The following ZXDA variants were observed in gnomAD, a reference collection of about 807,000 sequenced individuals.
ZXDA encodes the protein zinc finger X-linked protein ZXDA.
In ZXDA, 5 loss-of-function variants were observed where a neutral mutation model predicts 10.1. The observed-to-expected ratio is 0.50, with a 90% confidence interval of 0.26 to 1.04. The LOEUF (loss-of-function observed/expected upper bound fraction) is 1.04, where lower values mean the gene tolerates loss of function less well. Among genes scored for constraint, ZXDA ranks in the 50% least tolerant of loss-of-function variants. The pLI, the probability that ZXDA is intolerant of heterozygous loss-of-function variation, is 0.14. For synonymous variants in ZXDA, 266 were observed against 313.1 expected (o/e 0.85, Z 1.59); for missense variants, 501 against 672.4 (o/e 0.75, Z 2.82).
Position 57,906,657 on chromosome X carries a change from T to TACACACAC in ZXDA, c.*1356_*1363dup, listed in dbSNP as rs199969464. 9 of 98,849 alleles carry TACACACAC rather than the reference T, an allele frequency of 9.1e-5. No homozygotes were observed. The highest frequency in any genetic ancestry group is 9.8e-4 in the South Asian group (2 of 2,042). 8.1% of individuals were successfully genotyped at this position (98,849 alleles called of 1,213,427 possible). On this transcript the variant is annotated 3_prime_UTR_variant, in exon 1 of 1. Coordinates refer to ENST00000358697, the MANE Select transcript of ZXDA (RefSeq NM_007156.5). The stretch of plus-strand genomic sequence containing the variant: ...GAAATATTTCCTCTTTGTTTTGAGC[T>TACACACAC]ACACACACACACACACACACACACA...
At position 57,909,279 on chromosome X, in the gene ZXDA, C is replaced by A. The variant is rs370655010; in HGVS notation, c.1142G>T (p.Ser381Ile). ...GTAAGGCCTCTCGGGTTCGAAGTGGCTGCGCTGGTGGGCGCCGAGTTTGGC... is the reference window on the plus strand; with the variant it reads ...GTAAGGCCTCTCGGGTTCGAAGTGGATGCGCTGGTGGGCGCCGAGTTTGGC... ...TQAKLGAHQR[S>I]HFEPERPYQC... is the part of the protein sequence containing the mutation. The change falls in exon 1 of 1, where the codon AGC (serine) becomes ATC (isoleucine). Residue 381 changes from serine to isoleucine, a missense_variant. Coordinates refer to ENST00000358697, the MANE Select transcript of ZXDA (RefSeq NM_007156.5). 2.6e-5 allele frequency: 32 copies of A among 1,210,657 alleles called. No homozygotes were observed. In the East Asian group the frequency reaches 6.2e-4, roughly 24 times the overall value.
rs780382138 is a variant in ZXDA, at chrX:57,910,235, G to T, written c.186C>A (p.Ala62=). ...DGGPGRRREE[A]STASRGPGPS... ...GGCCAGGGCCCCGTGATGCCGTGCT[G>T]GCCTCCTCGCGCCGCCGCCCGGGCC... Residue 62 remains alanine (A), a synonymous_variant, in exon 1 of 1, where the codon GCC becomes GCA. Transcript: ENST00000358697. The T allele has an allele frequency of 6.1e-6, 7 of 1,153,781 alleles. No homozygotes were observed. Among genetic ancestry groups the T allele is most frequent in the Non-Finnish European group, 8.0e-6 (7 of 872,641 alleles).
chrX:57,909,721 C>T lies in ZXDA; in HGVS notation c.700G>A (p.Glu234Lys). The T allele has an allele frequency of 7.6e-6, 9 of 1,184,573 alleles. No homozygotes were observed. The highest frequency in any genetic ancestry group is 1.0e-5 in the Non-Finnish European group (9 of 882,748). Residue 234 changes from glutamate (E) to lysine (K), a missense_variant, in exon 1 of 1, where the codon GAA becomes AAA. Glu to Lys is a moderately conservative substitution (Grantham distance 56). Coordinates refer to ENST00000358697, the MANE Select transcript of ZXDA (RefSeq NM_007156.5). ...TGGGGCGCCGGAGCAGGCGCGGGTT[C>T]TGCGGGCTCGGCTAGCAGGAGGTCG... ...RSDLLLAEPA[E>K]PAPAPAPQEE...
chrX:57,906,201 T>C lies in ZXDA; in HGVS notation c.*1820A>G, dbSNP rs58743676. 0.094 allele frequency among the ~76,000 whole-genome samples: 10,540 copies of C among 111,963 alleles called. 1,213 individuals carry two copies. The highest frequency in any genetic ancestry group is 0.33 in the African/African-American group (9,991 of 30,579). Reference sequence around the variant, plus strand: ...TAATTGTTATCCCCAAGTATCCACATGTAAACAATACTGGGTTACAATAGT... The same window carrying C: ...TAATTGTTATCCCCAAGTATCCACACGTAAACAATACTGGGTTACAATAGT... On this transcript the variant is annotated 3_prime_UTR_variant, in exon 1 of 1. Coordinates refer to ENST00000358697, the MANE Select transcript of ZXDA (RefSeq NM_007156.5).
At position 57,908,630 on chromosome X, in the gene ZXDA, A is replaced by C; in HGVS notation, c.1791T>G (p.Asp597Glu). 1 of 1,209,332 alleles carries C rather than the reference A, an allele frequency of 8.3e-7. No individual in the cohort carries two copies. Among genetic ancestry groups the C allele is most frequent in the Non-Finnish European group, 1.1e-6 (1 of 894,865 alleles). ...GAGACACTATCTCTGCATCACTGAG[A>C]TCATTCTGTCTCTGGCTGGTAAGTT... ...SSELTSQRQN[D>E]LSDAEIVSLF... is the part of the protein sequence containing the mutation. The change falls in exon 1 of 1, where the codon GAT becomes GAG. Residue 597 changes from aspartate to glutamate, a missense_variant. Around this residue, in one of 5 missense-constraint regions of ZXDA, gnomAD observed 171 missense variants for 262.7 expected, o/e 0.65. Coordinates refer to ENST00000358697, the MANE Select transcript of ZXDA (RefSeq NM_007156.5).
Position 57,907,985 on chromosome X carries a change from AAGTT to A in ZXDA, c.*32_*35del, listed in dbSNP as rs1295710382. 4.3e-6 allele frequency: 5 copies of A among 1,172,056 alleles called. No individual in the cohort carries two copies. The African/African-American group carries it at 5.4e-5, about 13-fold the overall frequency. Reference sequence around the variant, plus strand: ...ATATCCTCAAAATTGACTGTAATAAAAGTTAGCCACATGGCAAGGAATGAATAGA... The same window carrying A: ...ATATCCTCAAAATTGACTGTAATAAAAGCCACATGGCAAGGAATGAATAGA... On this transcript the variant is annotated 3_prime_UTR_variant, in exon 1 of 1. Coordinates refer to ENST00000358697, the MANE Select transcript of ZXDA (RefSeq NM_007156.5).
At position 57,906,258 on chromosome X, in the gene ZXDA, C is replaced by G. The variant is rs1330730210; in HGVS notation, c.*1763G>C. On this transcript the variant is annotated 3_prime_UTR_variant, in exon 1 of 1. Transcript: ENST00000358697. ...CAACTAATAGTGTTTGCTACCAGGACCACACTGTAAAAAAGGAAAAGTAGA... is the reference window on the plus strand; with the variant it reads ...CAACTAATAGTGTTTGCTACCAGGAGCACACTGTAAAAAAGGAAAAGTAGA... Among the ~76,000 whole-genome samples the G allele has an allele frequency of 1.8e-5, 2 of 112,039 alleles. No individual in the cohort carries two copies. The highest frequency in any genetic ancestry group is 1.9e-4 in the Admixed American group (2 of 10,567).
rs1368852600 is a variant in ZXDA, at chrX:57,910,106, G to A, written c.315C>T (p.Ser105=). Residue 105 remains serine (S), a synonymous_variant, in exon 1 of 1, where the codon TCC becomes TCT. Coordinates refer to ENST00000358697, the MANE Select transcript of ZXDA (RefSeq NM_007156.5). ...TCAACACAGGCCCTGCGGCCTGACC[G>A]GAGCCCGCGGTCTCCACGTCGCCAC... ...PVGGDVETAG[S]GQAAGPVLRE... is the part of the protein sequence containing the mutation. 1 of 1,198,528 alleles carries A rather than the reference G, an allele frequency of 8.3e-7. No homozygotes were observed. Among genetic ancestry groups the A allele is most frequent in the Non-Finnish European group, 1.1e-6 (1 of 892,813 alleles).
rs1249075690 is a variant in ZXDA, at chrX:57,906,076, C to T, written c.*1945G>A. Among the ~76,000 whole-genome samples, 2 of 111,553 alleles carry T rather than the reference C, an allele frequency of 1.8e-5. No homozygotes were observed. Among genetic ancestry groups the T allele is most frequent in the African/African-American group, 3.3e-5 (1 of 30,701 alleles). On this transcript the variant is annotated 3_prime_UTR_variant, in exon 1 of 1. Coordinates refer to ENST00000358697, the MANE Select transcript of ZXDA (RefSeq NM_007156.5). ...ATTACAAATTTATGTGTATTTTTTGCTTTTTCATTGAATAAGTACAACCAA... is the reference window on the plus strand; with the variant it reads ...ATTACAAATTTATGTGTATTTTTTGTTTTTTCATTGAATAAGTACAACCAA...
Position 57,909,339 on chromosome X carries a change from T to C in ZXDA, c.1082A>G (p.Lys361Arg), listed in dbSNP as rs750398849. The stretch of plus-strand genomic sequence containing the variant: ...GAAGCTCTCCTCGCACACCTCACAT[T>C]TGAACGAGTTCTCCTGCTCATGGCC... The part of the protein sequence containing the change: ...MKGHEQENSF[K>R]CEVCEESFPT... The change falls in exon 1 of 1, where the codon AAA (lysine) becomes AGA (arginine). Residue 361 changes from lysine (K) to arginine (R), a missense_variant. Lys to Arg is a conservative substitution (Grantham distance 26). Around this residue, in one of 5 missense-constraint regions of ZXDA, gnomAD observed 171 missense variants for 262.7 expected, o/e 0.65. Transcript: ENST00000358697. The C allele has an allele frequency of 9.1e-6, 11 of 1,211,899 alleles. No homozygotes were observed. In the South Asian group the frequency reaches 1.8e-4, roughly 19 times the overall value.
In ZXDA at chrX:57,905,607, C is replaced by T. The variant is rs994109526; in HGVS notation, c.*2414G>A. Among the ~76,000 whole-genome samples the T allele has an allele frequency of 8.9e-6, 1 of 111,925 alleles. No individual in the cohort carries two copies. The highest frequency in any genetic ancestry group is 3.2e-5 in the African/African-American group (1 of 30,783). ...AATATGTTTACAGTCACACTTCTGTCTGTAATTACATGCCATGTCAACTAT... is the reference window on the plus strand; with the variant it reads ...AATATGTTTACAGTCACACTTCTGTTTGTAATTACATGCCATGTCAACTAT... On this transcript the variant is annotated 3_prime_UTR_variant, in exon 1 of 1. Coordinates refer to ENST00000358697, the MANE Select transcript of ZXDA (RefSeq NM_007156.5).
At position 57,906,608 on chromosome X, in the gene ZXDA, C is replaced by T. The variant is rs1000187148; in HGVS notation, c.*1413G>A. 1 of 109,905 alleles carries T rather than the reference C, an allele frequency of 9.1e-6. No individual in the cohort carries two copies. Among genetic ancestry groups the T allele is most frequent in the Non-Finnish European group, 1.9e-5 (1 of 52,740 alleles). 9.1% of individuals were successfully genotyped at this position (109,905 alleles called of 1,213,427 possible). The stretch of plus-strand genomic sequence containing the variant: ...AGTTATAAACAAAATAGTCATGAAA[C>T]TCAAGAGTCGAATGGGAGAGTGGGA... On this transcript the variant is annotated 3_prime_UTR_variant, in exon 1 of 1. Coordinates refer to ENST00000358697, the MANE Select transcript of ZXDA (RefSeq NM_007156.5).
rs376557838 is a variant in ZXDA at position 57,905,759 on chromosome X, A to G, written c.*2262T>C. ...AAAAAATTTGTCCTTTGAAAATTCT[A>G]TAGACCATAACAAAAGCATAGCTTA... On this transcript the variant is annotated 3_prime_UTR_variant, in exon 1 of 1. Coordinates refer to ENST00000358697, the MANE Select transcript of ZXDA (RefSeq NM_007156.5). Among the ~76,000 whole-genome samples, 4 of 111,875 alleles carry G rather than the reference A, an allele frequency of 3.6e-5. No individual in the cohort carries two copies. The highest frequency in any genetic ancestry group is 1.3e-4 in the African/African-American group (4 of 30,841).
In ZXDA at chrX:57,908,721, C is replaced by T; in HGVS notation, c.1700G>A (p.Arg567Lys). ...KHSMKTHMVK[R>K]HKVGQDLLAQ... ...TAAGAGATCCTGGCCCACCTTATGC[C>T]TTTTAACCATGTGCGTCTTCATGCT... Residue 567 changes from arginine to lysine, a missense_variant, in exon 1 of 1, where the codon AGG becomes AAG. Coordinates refer to ENST00000358697, the MANE Select transcript of ZXDA (RefSeq NM_007156.5). The T allele has an allele frequency of 8.3e-7, 1 of 1,209,661 alleles. No homozygotes were observed. The highest frequency in any genetic ancestry group is 1.1e-6 in the Non-Finnish European group (1 of 894,727).
rs1210873811 is a variant in ZXDA, at chrX:57,906,832, T to C, written c.*1189A>G. ...AGTGCTAAATTGTAAAATGCTATAC[T>C]CACATAAGATAGATGGTATCTACTC... On this transcript the variant is annotated 3_prime_UTR_variant, in exon 1 of 1. Coordinates refer to ENST00000358697, the MANE Select transcript of ZXDA (RefSeq NM_007156.5). 8.9e-6 allele frequency: 1 copy of C among 111,737 alleles called. No homozygotes were observed. Among genetic ancestry groups the C allele is most frequent in the Non-Finnish European group, 1.9e-5 (1 of 53,093 alleles). 9.2% of individuals were successfully genotyped at this position (111,737 alleles called of 1,213,427 possible). A position where few individuals can be genotyped will look rare whatever the true frequency, so the allele number is the denominator to read the frequency against.
rs919317998 is a variant in ZXDA at position 57,909,949 on chromosome X, C to A, written c.472G>T (p.Ala158Ser). The change falls in exon 1 of 1, where the codon GCC becomes TCC. Residue 158 changes from alanine (A) to serine (S), a missense_variant. By Grantham distance (99) the Ala-to-Ser change is moderately conservative. Transcript: ENST00000358697. The stretch of plus-strand genomic sequence containing the variant: ...GTGACTGTGCCCGCGAAGGCCGCGG[C>A]GGGGCCGGGGGCGGAGATCGGGGCC... ...TPAPISAPGPAAAFAGTVTIH... is the reference protein window; with the variant it reads ...TPAPISAPGPSAAFAGTVTIH... 5.1e-6 allele frequency: 6 copies of A among 1,165,682 alleles called. No homozygotes were observed. In the African/African-American group the frequency reaches 8.9e-5, roughly 17 times the overall value.
rs1197394209 is a variant in ZXDA, at chrX:57,905,669, GA to G, written c.*2351del. 9.1e-6 allele frequency among the ~76,000 whole-genome samples: 1 copy of G among 110,374 alleles called. No individual in the cohort carries two copies. Among genetic ancestry groups the G allele is most frequent in the Non-Finnish European group, 1.9e-5 (1 of 52,802 alleles). ...AACAGTATTGAAAAAGAAATCTTTT[GA>G]AAAAATTGAACAAAAGAAACCATGT... On this transcript the variant is annotated 3_prime_UTR_variant, in exon 1 of 1. Coordinates refer to ENST00000358697, the MANE Select transcript of ZXDA (RefSeq NM_007156.5).
rs764699515 is a variant in ZXDA at position 57,905,872 on chromosome X, A to T, written c.*2149T>A. Among the ~76,000 whole-genome samples the T allele has an allele frequency of 1.8e-4, 20 of 111,974 alleles. No homozygotes were observed. Among genetic ancestry groups the T allele is most frequent in the African/African-American group, 6.2e-4 (19 of 30,875 alleles). On this transcript the variant is annotated 3_prime_UTR_variant, in exon 1 of 1. Coordinates refer to ENST00000358697, the MANE Select transcript of ZXDA (RefSeq NM_007156.5). Reference sequence around the variant, plus strand: ...AGATATCTATATAGTTATGTATCTTAATGGATGCCTATGACCCTTGCGTTC... The same window carrying T: ...AGATATCTATATAGTTATGTATCTTTATGGATGCCTATGACCCTTGCGTTC...
chrX:57,910,327 G>C lies in ZXDA; in HGVS notation c.94C>G (p.Pro32Ala). ...PAGGGRVHRGPDSPAGQVPTR... is the reference protein window; with the variant it reads ...PAGGGRVHRGADSPAGQVPTR... Reference sequence around the variant, plus strand: ...GGGACCTGGCCAGCCGGCGAGTCAGGGCCTCGGTGGACTCGGCCGCCACCC... The same window carrying C: ...GGGACCTGGCCAGCCGGCGAGTCAGCGCCTCGGTGGACTCGGCCGCCACCC... Residue 32 changes from proline (P) to alanine (A), a missense_variant, in exon 1 of 1, where the codon CCT (proline) becomes GCT (alanine). This residue lies in a region of ZXDA where 15 missense variants were observed against 41.3 expected (regional missense o/e 0.36). Coordinates refer to ENST00000358697, the MANE Select transcript of ZXDA (RefSeq NM_007156.5). 9.6e-7 allele frequency: 1 copy of C among 1,036,392 alleles called. No homozygotes were observed. The highest frequency in any genetic ancestry group is 1.2e-6 in the Non-Finnish European group (1 of 815,394). 85.4% of individuals were successfully genotyped at this position (1,036,392 alleles called of 1,213,427 possible). A position where few individuals can be genotyped will look rare whatever the true frequency, so the allele number is the denominator to read the frequency against.
Sources: gnomAD v4.1 joint callset for allele counts (sites outside exome capture counted in the v4.1 genomes callset) on GRCh38, gnomAD v4.1.1 for gene constraint, gnomAD v4.1.1 regional missense constraint, MANE v1.5 for transcripts, NCBI Gene and HGNC (gene_info 2026-07-23, HGNC 2026-07-21) for gene names.